Variants in ATXN7L1 observed in about 807,000 individuals in gnomAD.
ATXN7L1 encodes ataxin-7-like protein 1.
A neutral mutation model predicts 70.8 loss-of-function variants in ATXN7L1; 15 were observed. The observed-to-expected ratio is 0.21, with a 90% CI of 0.14 to 0.33. The LOEUF is 0.33. Ranked by LOEUF, ATXN7L1 falls within the 10% of genes least tolerant of loss-of-function variation. The probability of loss-of-function intolerance (pLI) is 1.00; values close to 1 mark genes in which losing one functional copy is unlikely to be tolerated. For missense variants in ATXN7L1, 975 were observed against 1,097.1 expected, an observed-to-expected ratio of 0.89 and a Z score of 1.57; for synonymous variants, 440 against 445.1, an observed-to-expected ratio of 0.99 and a Z score of 0.14.
intron 2 of ATXN7L1, among the ~76,000 whole-genome samples, chr7:105,794,012 CCATCCAT>C (rs1037543866): frequency 1.4e-5 from 2 of 140,324 alleles, no homozygotes; most frequent in African/African-American, 5.2e-5. Flanking sequence ...ACCCATCCAT[CCATCCAT>C]CATCCATCAT....
intron 4 of ATXN7L1, among the ~76,000 whole-genome samples, chr7:105,662,697 T>G (rs1801907244): frequency 6.6e-6 from 1 of 152,208 alleles, no homozygotes; most frequent in Non-Finnish European, 1.5e-5. Context: ...GTAGCTCATT[T>G]CTAGACTCTG....
At chr7:105,835,064 G>C (rs946306994) in intron 2 of ATXN7L1, among the ~76,000 whole-genome samples, 10 of 151,322 alleles carry the variant, frequency 6.6e-5, no homozygotes, top group Non-Finnish European at 1.2e-4. Flanking sequence ...CTGGGGGAGA[G>C]GCAGGGTGCA....
chr7:105,636,801 AT>A (rs1797451783), intron 7 of ATXN7L1, among the ~76,000 whole-genome samples: 1 of 152,172 alleles, frequency 6.6e-6, no homozygotes, highest in Non-Finnish European at 1.5e-5. Flanking sequence ...GTGGGGGACA[AT>A]GGCTCTGGGT....
At chr7:105,765,551 C>T (rs183256036) in intron 3 of ATXN7L1, among the ~76,000 whole-genome samples, 1 of 152,296 alleles carries the variant, frequency 6.6e-6, no homozygotes, top group Non-Finnish European at 1.5e-5. Flanking sequence ...TCCTCCTGTG[C>T]TGTCTCTCAT....
At chr7:105,870,826 C>T (rs1818151537) in intron 2 of ATXN7L1, among the ~76,000 whole-genome samples, 1 of 152,158 alleles carries the variant, frequency 6.6e-6, no homozygotes, top group Non-Finnish European at 1.5e-5. Context: ...GTCCTCCTCT[C>T]AGGAAATCTG....
chr7:105,864,509 TC>T (rs1387482256), intron 2 of ATXN7L1, among the ~76,000 whole-genome samples: 1 of 140,030 alleles, frequency 7.1e-6, no homozygotes, highest in Non-Finnish European at 1.5e-5. Flanking sequence ...TGTGCTTCAC[TC>T]CCGGTTGTTT....
chr7:105,669,789 C>T (rs2116094022), intron 3 of ATXN7L1, among the ~76,000 whole-genome samples: 1 of 152,100 alleles, frequency 6.6e-6, no homozygotes, highest in East Asian at 1.9e-4. Context: ...CGTGGTGGCG[C>T]ATGCCTGTAA....
At chr7:105,678,715 G>A (rs985456918) in intron 3 of ATXN7L1, among the ~76,000 whole-genome samples, 3 of 152,246 alleles carry the variant, frequency 2.0e-5, no homozygotes, top group South Asian at 2.1e-4. Flanking sequence ...CTGGCTTCCC[G>A]GTGCTCTGAA....
intron 3 of ATXN7L1, among the ~76,000 whole-genome samples, chr7:105,727,740 A>ATT (rs1795988411): frequency 1.4e-5 from 1 of 70,858 alleles, no homozygotes; most frequent in Non-Finnish European, 2.3e-5. Context: ...GTGTGTGTGT[A>ATT]TGTGTGTATA....
rs187519443 is a variant in ATXN7L1 at position 105,739,817 on chromosome 7, G to A, written c.355+48787C>T. On this transcript the variant is annotated intron_variant, in intron 3 of 11. Coordinates refer to ENST00000419735, the MANE Select transcript of ATXN7L1 (RefSeq NM_020725.2). ...CTGGCCCTGGTATTGGGGATCAGTC[G>A]GCAACATGACCTCTAGGTCTTTTCC... 3.3e-5 allele frequency among the ~76,000 whole-genome samples: 5 copies of A among 152,260 alleles called. No individual in the cohort carries two copies. The East Asian group carries it at 7.7e-4, about 24-fold the overall frequency.
intron 11 of ATXN7L1, 102 bp from the exon 12 acceptor site, chr7:105,607,992 G>A: frequency 9.3e-7 from 1 of 1,076,584 alleles, no homozygotes; most frequent in Non-Finnish European, 1.4e-6. Flanking sequence ...ATAATAGAAA[G>A]GACAATATCC....
At chr7:105,874,879 A>G (rs1157999348) in intron 2 of ATXN7L1, among the ~76,000 whole-genome samples, 1 of 152,178 alleles carries the variant, frequency 6.6e-6, no homozygotes, top group Non-Finnish European at 1.5e-5. Flanking sequence ...CAATGCACCT[A>G]TGGCCTACTT....
At chr7:105,749,303 C>A (rs1308832868) in intron 3 of ATXN7L1, among the ~76,000 whole-genome samples, 1 of 151,878 alleles carries the variant, frequency 6.6e-6, no homozygotes, top group Non-Finnish European at 1.5e-5. Flanking sequence ...GTAAAATCAT[C>A]ATACTGCAAG....
intron 3 of ATXN7L1, chr7:105,679,006 C>T (rs1805154684): frequency 3.3e-6 from 3 of 918,726 alleles, no homozygotes; most frequent in Non-Finnish European, 3.9e-6. Flanking sequence ...CTGCGCCCAG[C>T]CCCACGCCGT....
At position 105,638,480 on chromosome 7, in the gene ATXN7L1, T is replaced by A. The variant is rs755288185; in HGVS notation, c.1075A>T (p.Arg359Trp). 14 of 1,552,210 alleles carry A rather than the reference T, an allele frequency of 9.0e-6. No individual in the cohort carries two copies. The African/African-American group carries it at 1.6e-4, about 18-fold the overall frequency. ...KDKEHLLTST[R>W]EILPSQSGPA... Reference sequence around the variant, plus strand: ...CCGGATTGGCTTGGAAGTATTTCCCTCGTGGAAGTCAGGAGATGCTCTTTA... The same window carrying A: ...CCGGATTGGCTTGGAAGTATTTCCCACGTGGAAGTCAGGAGATGCTCTTTA... The change falls in exon 7 of 12, where the codon AGG (arginine) becomes TGG (tryptophan). Residue 359 changes from arginine (R) to tryptophan (W), a missense_variant. Coordinates refer to ENST00000419735, the MANE Select transcript of ATXN7L1 (RefSeq NM_020725.2).
chr7:105,761,311 G>A (rs539705588), intron 3 of ATXN7L1: 127 of 1,607,106 alleles, frequency 7.9e-5, no homozygotes, highest in East Asian at 2.2e-4. Context: ...CCAGGAAGCC[G>A]TCTCCAGACA....
intron 3 of ATXN7L1, among the ~76,000 whole-genome samples, chr7:105,699,881 GC>G (rs1003443589): frequency 2.6e-5 from 4 of 152,112 alleles, no homozygotes; most frequent in African/African-American, 9.7e-5. Flanking sequence ...GTGAAGGCCT[GC>G]CCCCACAATC....
chr7:105,777,510 C>T (rs1802900997), intron 3 of ATXN7L1, among the ~76,000 whole-genome samples: 1 of 152,232 alleles, frequency 6.6e-6, no homozygotes, highest in South Asian at 2.1e-4. Context: ...GCTGCTTTTT[C>T]TGCCAAGTCA....
chr7:105,782,685 G>C (rs980075268), intron 3 of ATXN7L1, among the ~76,000 whole-genome samples: 15 of 152,372 alleles, frequency 9.8e-5, no homozygotes, highest in African/African-American at 3.4e-4. Flanking sequence ...AACGCAGAGA[G>C]ATACTGGAGC....
Sources: gnomAD v4.1 joint callset for allele counts (sites outside exome capture counted in the v4.1 genomes callset) on GRCh38, gnomAD v4.1.1 for gene constraint, MANE v1.5 for transcripts, NCBI Gene and HGNC (gene_info 2026-07-23, HGNC 2026-07-21) for gene names.